TTLL5: variants seen among roughly 807,000 people sequenced by gnomAD.
The protein encoded by TTLL5 is tubulin polyglutamylase TTLL5.
A neutral mutation model predicts 168.4 loss-of-function variants in TTLL5; 132 were observed. That is an observed-to-expected ratio of 0.78 (90% confidence interval 0.68 to 0.91). TTLL5 has a LOEUF of 0.91. Ranked by LOEUF, TTLL5 falls within the 40% of genes least tolerant of loss-of-function variation. The pLI is 0.00. For synonymous variants in TTLL5, 546 were observed against 558.6 expected, an observed-to-expected ratio of 0.98 and a Z score of 0.32; for missense variants, 1,545 against 1,581.5, an observed-to-expected ratio of 0.98 and a Z score of 0.39.
At chr14:75,824,567 G>A (rs143131622) in intron 28 of TTLL5, among the ~76,000 whole-genome samples, 2 of 152,214 alleles carry the variant, frequency 1.3e-5, no homozygotes, top group East Asian at 3.9e-4. Flanking sequence ...GCCAAGGGCT[G>A]GGGGAAGAGG....
Position 75,779,713 on chromosome 14 carries a change from T to C in TTLL5, c.2515+11T>C. On this transcript the variant is annotated intron_variant, in intron 24 of 31. Coordinates refer to ENST00000298832, the MANE Select transcript of TTLL5 (RefSeq NM_015072.5). The stretch of plus-strand genomic sequence containing the variant: ...GTGGGGCAAAAGGTGGTAAGTATAC[T>C]GGTTAATGAACGAAAAATAAGAAGA... The C allele has an allele frequency of 1.3e-6, 2 of 1,587,734 alleles. No homozygotes were observed. The highest frequency in any genetic ancestry group is 1.7e-6 in the Non-Finnish European group (2 of 1,171,788).
At chr14:75,748,821 T>C (rs1309947184) in intron 17 of TTLL5, among the ~76,000 whole-genome samples, 2 of 152,214 alleles carry the variant, frequency 1.3e-5, no homozygotes, top group African/African-American at 4.8e-5. Flanking sequence ...ATATCTTATT[T>C]TGGTCTTGAT....
intron 1 of TTLL5, 37 bp from the exon 2 acceptor site, chr14:75,663,018 T>G (rs781035308): frequency 2.6e-6 from 2 of 758,924 alleles, no homozygotes; most frequent in Non-Finnish European, 4.7e-6. Flanking sequence ...GCATTGTGTT[T>G]CAGGTCAATT....
chr14:75,805,369 A>G (rs1429057511), intron 27 of TTLL5, among the ~76,000 whole-genome samples: 1 of 152,230 alleles, frequency 6.6e-6, no homozygotes, highest in African/African-American at 2.4e-5. Context: ...AGTTGATCAT[A>G]GCAGAGTGGC....
In TTLL5 at chr14:75,717,854, C is replaced by T; in HGVS notation, c.741-7C>T. On this transcript the variant is annotated splice_polypyrimidine_tract_variant and splice_region_variant and intron_variant, in intron 9 of 31. Coordinates refer to ENST00000298832, the MANE Select transcript of TTLL5 (RefSeq NM_015072.5). ...TCCTGGCATTTAACCTGTTTCCCTT[C>T]TATCAGGTTTGCAACTGTGCGATAT... 1 of 1,612,756 alleles carries T rather than the reference C, an allele frequency of 6.2e-7. No homozygotes were observed. The highest frequency in any genetic ancestry group is 2.2e-5 in the East Asian group (1 of 44,770).
At chr14:75,907,984 G>C (rs938415648) in intron 31 of TTLL5, among the ~76,000 whole-genome samples, 1 of 152,186 alleles carries the variant, frequency 6.6e-6, no homozygotes. Flanking sequence ...CACTTTCCTT[G>C]AACCTCATTC....
chr14:75,901,633 GA>G (rs2032926830), intron 30 of TTLL5, among the ~76,000 whole-genome samples: 1 of 152,200 alleles, frequency 6.6e-6, no homozygotes, highest in African/African-American at 2.4e-5. Flanking sequence ...CCACAGTTGT[GA>G]TAACCACAGA....
chr14:75,745,891 T>C (rs1889577874), intron 17 of TTLL5, among the ~76,000 whole-genome samples: 1 of 152,150 alleles, frequency 6.6e-6, no homozygotes. Context: ...TATATGTGTA[T>C]CTAAGCAATA....
At chr14:75,843,458 T>G (rs1337426110) in intron 28 of TTLL5, among the ~76,000 whole-genome samples, 1 of 152,226 alleles carries the variant, frequency 6.6e-6, no homozygotes, top group Admixed American at 6.5e-5. Context: ...GATCTTCACA[T>G]CCATCTAGAT....
intron 31 of TTLL5, among the ~76,000 whole-genome samples, chr14:75,926,049 G>A (rs985319932): frequency 6.7e-6 from 1 of 149,074 alleles, no homozygotes; most frequent in African/African-American, 2.6e-5. Flanking sequence ...GGAAAGAGAG[G>A]GAGAGGGAGA....
chr14:75,920,708 T>A (rs577968251), intron 31 of TTLL5, among the ~76,000 whole-genome samples: 19 of 152,364 alleles, frequency 1.2e-4, no homozygotes, highest in African/African-American at 4.3e-4. Flanking sequence ...GCAGTAAACA[T>A]ACAAGTGCAT....
intron 4 of TTLL5, among the ~76,000 whole-genome samples, chr14:75,682,233 G>A (rs960411689): frequency 1.3e-5 from 2 of 151,100 alleles, no homozygotes; most frequent in African/African-American, 4.9e-5. Context: ...TTGTCAGAAT[G>A]ATGTGCAGAG....
In TTLL5 at chr14:75,820,119, A is replaced by G. The variant is rs755007471; in HGVS notation, c.3284A>G (p.Asp1095Gly). 36 of 1,600,328 alleles carry G rather than the reference A, an allele frequency of 2.2e-5. No homozygotes were observed. The highest frequency in any genetic ancestry group is 3.5e-5 in the Admixed American group (2 of 57,954). ...PSGPTWSTQSDPQAPENHSSS... is the reference protein window; with the variant it reads ...PSGPTWSTQSGPQAPENHSSS... ...GGCCCGACATGGTCTACACAGTCAG[A>G]CCCCCAAGCTCCCGAGAATCACTCC... The change falls in exon 28 of 32, where the codon GAC (aspartate) becomes GGC (glycine). Residue 1095 changes from aspartate (D) to glycine (G), a missense_variant. Asp to Gly is a moderately conservative substitution (Grantham distance 94). Coordinates refer to ENST00000298832, the MANE Select transcript of TTLL5 (RefSeq NM_015072.5).
chr14:75,776,905 C>A, intron 23 of TTLL5, 55 bp downstream of exon 23: 2 of 1,355,740 alleles, frequency 1.5e-6, no homozygotes. Flanking sequence ...CCATAATGCT[C>A]ATTGAGTACC....
chr14:75,811,978 A>G (rs1257276246), intron 27 of TTLL5, among the ~76,000 whole-genome samples: 4 of 152,162 alleles, frequency 2.6e-5, no homozygotes, highest in African/African-American at 9.7e-5. Context: ...TTTTCAATCC[A>G]TCACCTGGAT....
chr14:75,720,563 T>C (rs749089122), intron 11 of TTLL5, 33 bp from the exon 12 acceptor site: 31 of 1,425,886 alleles, frequency 2.2e-5, no homozygotes, highest in South Asian at 1.4e-4. Context: ...TATTTTGATA[T>C]TGAGTCTGAA....
intron 28 of TTLL5, among the ~76,000 whole-genome samples, chr14:75,832,440 C>A (rs1250351442): frequency 6.6e-6 from 1 of 152,176 alleles, no homozygotes; most frequent in Non-Finnish European, 1.5e-5. Flanking sequence ...TCTTTTCTTT[C>A]TTTCCTGAGA....
chr14:75,863,641 A>T, intron 28 of TTLL5, 26 bp from the exon 29 acceptor site: 1 of 1,578,732 alleles, frequency 6.3e-7, no homozygotes, highest in Non-Finnish European at 8.6e-7. Flanking sequence ...ACTCACTCTA[A>T]GAAACCTGCT....
At chr14:75,907,180 G>C (rs927675512) in intron 31 of TTLL5, among the ~76,000 whole-genome samples, 5 of 152,136 alleles carry the variant, frequency 3.3e-5, no homozygotes, top group African/African-American at 1.2e-4. Flanking sequence ...TTGATGAATT[G>C]TGTTTTTGCT....
Sources: allele counts gnomAD v4.1 joint callset (sites outside exome capture counted in the v4.1 genomes callset), GRCh38; gene constraint gnomAD v4.1.1; transcripts MANE v1.5; gene names NCBI Gene and HGNC (gene_info 2026-07-23, HGNC 2026-07-21).